FAF1: variants seen among roughly 807,000 people sequenced by gnomAD.
The protein encoded by FAF1 is FAS-associated factor 1.
A neutral mutation model predicts 92.5 loss-of-function variants in FAF1; 25 were observed. The ratio of observed to expected loss-of-function variants is 0.27; its 90% CI spans 0.20 to 0.38. FAF1 has a LOEUF of 0.38. Among genes scored for constraint, FAF1 ranks in the 10% least tolerant of loss-of-function variants. The pLI is 1.00. For missense variants in FAF1, 636 were observed against 793.3 expected, an observed-to-expected ratio of 0.80 and a Z score of 2.38; for synonymous variants, 234 against 273.2, an observed-to-expected ratio of 0.86 and a Z score of 1.42.
chr1:50,527,868 CCTCT>C (rs1332650562), intron 15 of FAF1, among the ~76,000 whole-genome samples: 7 of 57,198 alleles, frequency 1.2e-4, no homozygotes, highest in Non-Finnish European at 1.6e-4. Context: ...TCCCTCTCTC[CCTCT>C]CTCTCTCTCT....
At chr1:50,913,144 C>T (rs1644897660) in intron 1 of FAF1, among the ~76,000 whole-genome samples, 1 of 152,210 alleles carries the variant, frequency 6.6e-6, no homozygotes, top group Non-Finnish European at 1.5e-5. Flanking sequence ...CTCTTCCCCA[C>T]TGTACTATAC....
chr1:50,777,101 A>G (rs1484952597), intron 4 of FAF1, among the ~76,000 whole-genome samples: 1 of 151,908 alleles, frequency 6.6e-6, no homozygotes, highest in Non-Finnish European at 1.5e-5. Context: ...TACAAAAATG[A>G]TAATAATAAA....
At position 50,567,093 on chromosome 1, in the gene FAF1, C is replaced by A; in HGVS notation, c.1252G>T (p.Asp418Tyr). The A allele has an allele frequency of 1.2e-6, 2 of 1,607,292 alleles. No homozygotes were observed. Among genetic ancestry groups the A allele is most frequent in the Non-Finnish European group, 8.5e-7 (1 of 1,176,162 alleles). ...CAGTATTACCTTGCTCTGTTGGAGTCCTTTGTCAGATCCCAAGCCCAGGTT... is the reference window on the plus strand; with the variant it reads ...CAGTATTACCTTGCTCTGTTGGAGTACTTTGTCAGATCCCAAGCCCAGGTT... ...FITWAWDLTK[D>Y]SNRARFLTMC... is the part of the protein sequence containing the mutation. The change falls in exon 13 of 19, where the codon GAC becomes TAC. Residue 418 changes from aspartate to tyrosine, a missense_variant. By Grantham distance (160) the Asp-to-Tyr change is radical. Coordinates refer to ENST00000396153, the MANE Select transcript of FAF1 (RefSeq NM_007051.3).
intron 12 of FAF1, among the ~76,000 whole-genome samples, chr1:50,574,213 T>G (rs1572843471): frequency 1.3e-5 from 2 of 152,260 alleles, no homozygotes; most frequent in Non-Finnish European, 2.9e-5. Flanking sequence ...TTTTCATTGC[T>G]TAGACTGTAA....
chr1:50,675,535 C>A (rs926080547), intron 7 of FAF1, among the ~76,000 whole-genome samples: 3 of 152,166 alleles, frequency 2.0e-5, no homozygotes, highest in Non-Finnish European at 4.4e-5. Context: ...TTCAGCATTA[C>A]CAGGATTTTC....
chr1:50,441,478 A>G lies in FAF1; in HGVS notation c.1915T>C (p.Phe639Leu). The change falls in exon 19 of 19, where the codon TTC (phenylalanine) becomes CTC (leucine). Residue 639 changes from phenylalanine (F) to leucine (L), a missense_variant. Coordinates refer to ENST00000396153, the MANE Select transcript of FAF1 (RefSeq NM_007051.3). ...TCAAGGAAAAGGGTTTCTTGAGGGAACAACTTTACCTCCAATAATGATTTA... is the reference window on the plus strand; with the variant it reads ...TCAAGGAAAAGGGTTTCTTGAGGGAGCAACTTTACCTCCAATAATGATTTA... ...PNKSLLEVKL[F>L]PQETLFLEAK... 6.5e-7 allele frequency: 1 copy of G among 1,546,102 alleles called. No homozygotes were observed. The highest frequency in any genetic ancestry group is 8.8e-7 in the Non-Finnish European group (1 of 1,142,558).
intron 18 of FAF1, among the ~76,000 whole-genome samples, chr1:50,474,654 C>A (rs562152835): frequency 1.5e-4 from 23 of 152,232 alleles, no homozygotes; most frequent in South Asian, 1.5e-3. Context: ...CTTAATTCGA[C>A]CATAACCTCT....
chr1:50,808,424 G>A (rs1484560258), intron 2 of FAF1, among the ~76,000 whole-genome samples: 1 of 152,130 alleles, frequency 6.6e-6, no homozygotes, highest in Non-Finnish European at 1.5e-5. Context: ...AACCTCGTAT[G>A]TAAATGGGTT....
At chr1:50,515,784 CCCT>C (rs1394977780) in intron 15 of FAF1, among the ~76,000 whole-genome samples, 2 of 151,958 alleles carry the variant, frequency 1.3e-5, no homozygotes, top group African/African-American at 4.8e-5. Flanking sequence ...TCAGCCTTCT[CCCT>C]CCTCACTTCT....
intron 1 of FAF1, among the ~76,000 whole-genome samples, chr1:50,914,585 T>C (rs1336379943): frequency 6.6e-6 from 1 of 152,222 alleles, no homozygotes. Flanking sequence ...AACACAGTTA[T>C]GCCTATTCTG....
In FAF1 at chr1:50,750,973, C is replaced by CTT. The variant is rs111253797; in HGVS notation, c.368-6200_368-6199dup. Reference sequence around the variant, plus strand: ...CAAACAAATAGCTCCAAGTTTAGCTCTTTTTTTTTTTAACATGAAATGGGT... The same window carrying CTT: ...CAAACAAATAGCTCCAAGTTTAGCTCTTTTTTTTTTTTTAACATGAAATGGGT... On this transcript the variant is annotated intron_variant, in intron 4 of 18. Coordinates refer to ENST00000396153, the MANE Select transcript of FAF1 (RefSeq NM_007051.3). Among the ~76,000 whole-genome samples, 695 of 144,074 alleles carry CTT rather than the reference C, an allele frequency of 4.8e-3. 9 individuals carry two copies. The highest frequency in any genetic ancestry group is 0.016 in the African/African-American group (608 of 39,114). The allele number at this position is 144,074 out of a possible 152,430, so 94.5% of individuals were successfully genotyped here. A position where few individuals can be genotyped will look rare whatever the true frequency, so the allele number is the denominator to read the frequency against.
At chr1:50,657,303 G>A (rs1388998192) in intron 7 of FAF1, among the ~76,000 whole-genome samples, 2 of 150,832 alleles carry the variant, frequency 1.3e-5, no homozygotes, top group African/African-American at 4.8e-5. Context: ...ATAATGGAGA[G>A]ATTATCCATT....
chr1:50,659,443 C>T (rs1180390707), intron 7 of FAF1, among the ~76,000 whole-genome samples: 1 of 152,188 alleles, frequency 6.6e-6, no homozygotes, highest in African/African-American at 2.4e-5. Context: ...AACACACGCA[C>T]AGGCTGGGGT....
chr1:50,758,441 T>C (rs1236272892), intron 4 of FAF1, among the ~76,000 whole-genome samples: 2 of 152,260 alleles, frequency 1.3e-5, no homozygotes, highest in African/African-American at 4.8e-5. Flanking sequence ...CCCTTTCCTA[T>C]TCTTCATGTT....
rs144011555 is a variant in FAF1, at chr1:50,689,510, G to C, written c.657+16276C>G. Among the ~76,000 whole-genome samples, 1,026 of 152,272 alleles carry C rather than the reference G, an allele frequency of 6.7e-3. 4 individuals are homozygous for C. The highest frequency in any genetic ancestry group is 0.011 in the Non-Finnish European group (745 of 68,024). Reference sequence around the variant, plus strand: ...GAAGCAAGAGAATGCCGTGGACCCGGGAGGCAGAGGTTGCAGTGAGCCGAG... The same window carrying C: ...GAAGCAAGAGAATGCCGTGGACCCGCGAGGCAGAGGTTGCAGTGAGCCGAG... On this transcript the variant is annotated intron_variant, in intron 7 of 18. Coordinates refer to ENST00000396153, the MANE Select transcript of FAF1 (RefSeq NM_007051.3).
chr1:50,828,504 C>T (rs1570016307), intron 2 of FAF1, among the ~76,000 whole-genome samples: 2 of 152,030 alleles, frequency 1.3e-5, no homozygotes, highest in South Asian at 2.1e-4. Flanking sequence ...CTCCTGACCT[C>T]GTGATCTGCC....
At chr1:50,552,448 T>G (rs1300843669) in intron 13 of FAF1, among the ~76,000 whole-genome samples, 6 of 152,208 alleles carry the variant, frequency 3.9e-5, no homozygotes, top group Non-Finnish European at 5.9e-5. Flanking sequence ...TGCTCTGAAT[T>G]CTTATAACAT....
At chr1:50,553,188 A>G (rs1649394444) in intron 13 of FAF1, among the ~76,000 whole-genome samples, 1 of 152,194 alleles carries the variant, frequency 6.6e-6, no homozygotes, top group Non-Finnish European at 1.5e-5. Context: ...AATCTTTAAG[A>G]CCAGTGATAC....
chr1:50,475,793 C>G (rs1382987970), intron 17 of FAF1, 114 bp from the exon 18 acceptor site: 3 of 640,736 alleles, frequency 4.7e-6, no homozygotes, highest in Non-Finnish European at 7.9e-6. Flanking sequence ...TGAAAAGTCA[C>G]TGCCCTATTT....
Sources: allele counts gnomAD v4.1 joint callset (sites outside exome capture counted in the v4.1 genomes callset), GRCh38; gene constraint gnomAD v4.1.1; transcripts MANE v1.5; gene names NCBI Gene and HGNC (gene_info 2026-07-23, HGNC 2026-07-21).